Variants in ALKBH8 observed in about 807,000 individuals in gnomAD.
ALKBH8 encodes alkB homolog 8, tRNA methyltransferase.
In ALKBH8, 36 loss-of-function variants were observed where a neutral mutation model predicts 59.8. The ratio of observed to expected loss-of-function variants is 0.60; its 90% CI spans 0.46 to 0.79. The LOEUF (loss-of-function observed/expected upper bound fraction) is 0.79, where lower values mean the gene tolerates loss of function less well. ALKBH8 is among the 30% of genes least tolerant of loss of function. The probability of loss-of-function intolerance (pLI) is 0.00; values close to 1 mark genes in which losing one functional copy is unlikely to be tolerated. For missense variants in ALKBH8, 768 were observed against 801.0 expected, an observed-to-expected ratio of 0.96 and a Z score of 0.50; for synonymous variants, 276 against 273.6, an observed-to-expected ratio of 1.01 and a Z score of -0.09.
rs1235017026 is a variant in ALKBH8 at position 107,503,163 on chromosome 11, G to A, written c.*1495C>T. ...TGGCATGACTTGACTTCAAACTTTG[G>A]TGTCAAGTACCAGAATTTATATCAG... On this transcript the variant is annotated 3_prime_UTR_variant, in exon 12 of 12. Coordinates refer to ENST00000428149, the MANE Select transcript of ALKBH8 (RefSeq NM_138775.3). The A allele has an allele frequency of 6.6e-6, 1 of 151,892 alleles. No individual in the cohort carries two copies. Among genetic ancestry groups the A allele is most frequent in the Non-Finnish European group, 1.5e-5 (1 of 67,984 alleles). 9.4% of individuals were successfully genotyped at this position (151,892 alleles called of 1,614,324 possible). A position where few individuals can be genotyped will look rare whatever the true frequency, so the allele number is the denominator to read the frequency against.
intron 2 of ALKBH8, among the ~76,000 whole-genome samples, chr11:107,557,398 A>G (rs533494134): frequency 6.6e-6 from 1 of 152,298 alleles, no homozygotes; most frequent in Non-Finnish European, 1.5e-5. Flanking sequence ...TATCTACTCA[A>G]TCCTCATTAA....
At chr11:107,556,051 A>G (rs111875213) in intron 3 of ALKBH8, among the ~76,000 whole-genome samples, 2,040 of 152,256 alleles carry the variant, frequency 0.013, 38 homozygotes, top group African/African-American at 0.046. Context: ...AGGCCAAGGC[A>G]GGCGGATTAC....
chr11:107,532,218 A>G (rs1294820099), intron 8 of ALKBH8, 82 bp downstream of exon 8: 3 of 1,131,764 alleles, frequency 2.7e-6, no homozygotes, highest in East Asian at 2.6e-5. Context: ...CTGCAGGCAC[A>G]GGGCATGGTC....
At chr11:107,545,672 GCT>G (rs1172508388) in intron 7 of ALKBH8, among the ~76,000 whole-genome samples, 2 of 152,004 alleles carry the variant, frequency 1.3e-5, no homozygotes, top group Non-Finnish European at 2.9e-5. Flanking sequence ...TGCCCAAATA[GCT>G]CTCTCTCTCT....
At chr11:107,516,122 T>C (rs368003135) in intron 10 of ALKBH8, among the ~76,000 whole-genome samples, 1 of 152,212 alleles carries the variant, frequency 6.6e-6, no homozygotes, top group Non-Finnish European at 1.5e-5. Flanking sequence ...TTTCACCACA[T>C]TGCAGATGAG....
rs1301586524 is a variant in ALKBH8, at chr11:107,522,462, A to G, written c.1124T>C (p.Val375Ala). Residue 375 changes from valine (V) to alanine (A), a missense_variant, in exon 10 of 12, where the codon GTC (valine) becomes GCC (alanine). Coordinates refer to ENST00000428149, the MANE Select transcript of ALKBH8 (RefSeq NM_138775.3). ...AGCAATCTCTTCATAAACCTGATGG[A>G]CGTACTCTTGCTCCAGCCGTGAGGC... ...KEASRLEQEY[V>A]HQVYEEIAGH... 6.4e-7 allele frequency: 1 copy of G among 1,551,782 alleles called. No individual in the cohort carries two copies. Among genetic ancestry groups the G allele is most frequent in the East Asian group, 2.4e-5 (1 of 40,914 alleles).
intron 10 of ALKBH8, among the ~76,000 whole-genome samples, chr11:107,518,872 A>G (rs1296626281): frequency 1.3e-5 from 2 of 151,892 alleles, no homozygotes; most frequent in Non-Finnish European, 2.9e-5. Context: ...TCACACCTCT[A>G]TATTTGTGTG....
intron 9 of ALKBH8, 55 bp downstream of exon 9, chr11:107,525,386 G>A: frequency 1.4e-6 from 2 of 1,462,432 alleles, no homozygotes; most frequent in Non-Finnish European, 1.8e-6. Context: ...GACCTTAAAG[G>A]ACTTTTATAT....
rs61743188 is a variant in ALKBH8 at position 107,525,585 on chromosome 11, A to C, written c.886T>G (p.Cys296Gly). The change falls in exon 9 of 12, where the codon TGC becomes GGC. Residue 296 changes from cysteine (C) to glycine (G), a missense_variant. Transcript: ENST00000428149. Reference sequence around the variant, plus strand: ...GCTTGAACAGTATCAAATTTTCTGCACGTGATTCTAAAAACAATAGTCAAA... The same window carrying C: ...GCTTGAACAGTATCAAATTTTCTGCCCGTGATTCTAAAAACAATAGTCAAA... ...SRYLWTHGIT[C>G]RKFDTVQASE... 1,055 of 1,389,028 alleles carry C rather than the reference A, an allele frequency of 7.6e-4. 5 individuals are homozygous for C. The African/African-American group carries it at 8.4e-3, about 11-fold the overall frequency. 86.0% of individuals were successfully genotyped at this position (1,389,028 alleles called of 1,614,324 possible).
chr11:107,512,905 A>G (rs1862699422), intron 10 of ALKBH8, among the ~76,000 whole-genome samples: 1 of 152,180 alleles, frequency 6.6e-6, no homozygotes, highest in Admixed American at 6.5e-5. Context: ...ATAAAAATCA[A>G]CACAAGACTG....
At position 107,505,752 on chromosome 11, in the gene ALKBH8, G is replaced by T. The variant is rs541222862; in HGVS notation, c.1438-537C>A. On this transcript the variant is annotated intron_variant, in intron 11 of 11. Coordinates refer to ENST00000428149, the MANE Select transcript of ALKBH8 (RefSeq NM_138775.3). The stretch of plus-strand genomic sequence containing the variant: ...GGCTGTAATCCCTGAGAGAAGGGAA[G>T]TAAGCCAAGGTGAGCTCTAGATTCA... 9.2e-5 allele frequency among the ~76,000 whole-genome samples: 14 copies of T among 152,340 alleles called. 1 individual carries two copies. In the South Asian group the frequency reaches 2.9e-3, roughly 32 times the overall value.
rs139390837 is a variant in ALKBH8, at chr11:107,504,977, C to T, written c.1676G>A (p.Arg559His). Residue 559 changes from arginine to histidine, a missense_variant, in exon 12 of 12, where the codon CGC becomes CAC. Coordinates refer to ENST00000428149, the MANE Select transcript of ALKBH8 (RefSeq NM_138775.3). Reference sequence around the variant, plus strand: ...TCCTCCTTCCTGAGAGTCATTAATGCGGGGGACAGAAGATGCCGAGTCTCG... The same window carrying T: ...TCCTCCTTCCTGAGAGTCATTAATGTGGGGGACAGAAGATGCCGAGTCTCG... ...GSRDSASSVP[R>H]INDSQEGGCN... 5.5e-4 allele frequency: 858 copies of T among 1,551,418 alleles called. 1 individual carries two copies. The highest frequency in any genetic ancestry group is 2.7e-3 in the Middle Eastern group (16 of 5,992).
At chr11:107,562,219 A>C (rs1355693717) in intron 1 of ALKBH8, among the ~76,000 whole-genome samples, 1 of 151,872 alleles carries the variant, frequency 6.6e-6, no homozygotes, top group Non-Finnish European at 1.5e-5. Context: ...GAATCGCTTG[A>C]ACCCGGGAGG....
intron 3 of ALKBH8, among the ~76,000 whole-genome samples, chr11:107,555,088 T>C (rs1204809121): frequency 6.6e-6 from 1 of 151,850 alleles, no homozygotes; most frequent in Non-Finnish European, 1.5e-5. Flanking sequence ...TAAAACCCCG[T>C]CTCTACTAAA....
chr11:107,504,604 C>CTT lies in ALKBH8; in HGVS notation c.*52_*53dup. 1 of 1,496,572 alleles carries CTT rather than the reference C, an allele frequency of 6.7e-7. No homozygotes were observed. Among genetic ancestry groups the CTT allele is most frequent in the Non-Finnish European group, 9.0e-7 (1 of 1,108,032 alleles). 92.7% of individuals were successfully genotyped at this position (1,496,572 alleles called of 1,614,324 possible). A position where few individuals can be genotyped will look rare whatever the true frequency, so the allele number is the denominator to read the frequency against. ...TAAAAGGGTAATTAATTTATTCTCT[C>CTT]TTTTTTTTTAAGTGAGCATTTCTTC... On this transcript the variant is annotated 3_prime_UTR_variant, in exon 12 of 12. Transcript: ENST00000428149.
At chr11:107,559,131 C>T (rs867540079) in intron 2 of ALKBH8, among the ~76,000 whole-genome samples, 8 of 152,166 alleles carry the variant, frequency 5.3e-5, no homozygotes, top group Non-Finnish European at 4.4e-5. Context: ...TCTTTCTTGC[C>T]TGCCGCCATG....
intron 11 of ALKBH8, among the ~76,000 whole-genome samples, chr11:107,510,652 G>A (rs1249869328): frequency 1.3e-5 from 2 of 152,124 alleles, no homozygotes; most frequent in African/African-American, 4.8e-5. Context: ...GGAAAGGGGC[G>A]AAAGCATGCA....
At chr11:107,520,160 T>C (rs1863048413) in intron 10 of ALKBH8, among the ~76,000 whole-genome samples, 1 of 152,156 alleles carries the variant, frequency 6.6e-6, no homozygotes, top group South Asian at 2.1e-4. Context: ...AAGCTGAAGG[T>C]AAATTCACAG....
intron 7 of ALKBH8, among the ~76,000 whole-genome samples, chr11:107,537,426 C>T (rs981828679): frequency 6.6e-6 from 1 of 152,104 alleles, no homozygotes; most frequent in African/African-American, 2.4e-5. Context: ...GAGTTGGAAG[C>T]CACTATCTTC....
Sources: gnomAD v4.1 joint callset for allele counts (sites outside exome capture counted in the v4.1 genomes callset) on GRCh38, gnomAD v4.1.1 for gene constraint, MANE v1.5 for transcripts, NCBI Gene and HGNC (gene_info 2026-07-23, HGNC 2026-07-21) for gene names.